PIK3C2G: variants seen among roughly 807,000 people sequenced by gnomAD.
The protein encoded by PIK3C2G is phosphatidylinositol-4-phosphate 3-kinase catalytic subunit type 2 gamma.
PIK3C2G carries 168 observed loss-of-function variants against 181.1 expected under a neutral mutation model. The ratio of observed to expected loss-of-function variants is 0.93; its 90% CI spans 0.82 to 1.05. PIK3C2G has a LOEUF of 1.05. Among genes scored for constraint, PIK3C2G ranks in the 50% least tolerant of loss-of-function variants. PIK3C2G has a pLI of 0.00. For synonymous variants in PIK3C2G, 573 were observed against 592.2 expected (o/e 0.97, Z 0.47); for missense variants, 1,869 against 1,732.8 (o/e 1.08, Z -1.40).
chr12:18,395,023 CTTTCTTTCTTTG>C (rs1288933790), intron 15 of PIK3C2G, among the ~76,000 whole-genome samples: 38 of 114,970 alleles, frequency 3.3e-4, no homozygotes, highest in African/African-American at 1.2e-3. Flanking sequence ...CTTTTTCTTT[CTTTCTTTCTTTG>C]TTTCTTTCAT....
the PIK3C2G span, among the ~76,000 whole-genome samples, chr12:18,668,309 T>C: frequency 1.3e-5 from 2 of 152,332 alleles, no homozygotes; most frequent in South Asian, 4.1e-4. Context: ...TAATAATTCT[T>C]TGGAAAGTCA....
chr12:18,266,790 C>T (rs1948519055), intron 1 of PIK3C2G, among the ~76,000 whole-genome samples: 1 of 151,944 alleles, frequency 6.6e-6, no homozygotes. Flanking sequence ...TCTTCTCCTC[C>T]TTTTTCTTCC....
intron 28 of PIK3C2G, among the ~76,000 whole-genome samples, chr12:18,566,565 C>T (rs1010296774): frequency 3.3e-5 from 5 of 152,172 alleles, no homozygotes; most frequent in Admixed American, 3.3e-4. Flanking sequence ...AATGGTGTCT[C>T]TAGTGAACCC....
At chr12:18,544,631 T>C (rs1239456951) in intron 25 of PIK3C2G, among the ~76,000 whole-genome samples, 1 of 151,750 alleles carries the variant, frequency 6.6e-6, no homozygotes, top group Non-Finnish European at 1.5e-5. Context: ...TTCTTGTTAG[T>C]TGGGCAGTGG....
intron 25 of PIK3C2G, among the ~76,000 whole-genome samples, chr12:18,540,880 T>G (rs1944115369): frequency 6.6e-6 from 1 of 151,894 alleles, no homozygotes; most frequent in Non-Finnish European, 1.5e-5. Context: ...TACCTCAGTT[T>G]CTGTTCATTT....
intron 11 of PIK3C2G, among the ~76,000 whole-genome samples, chr12:18,348,021 C>T (rs1340468603): frequency 2.0e-5 from 3 of 151,116 alleles, no homozygotes; most frequent in Admixed American, 6.6e-5. Context: ...TTTAAAGGGC[C>T]GATGTATAGT....
intron 18 of PIK3C2G, among the ~76,000 whole-genome samples, chr12:18,459,373 T>C (rs555833683): frequency 1.3e-5 from 2 of 152,284 alleles, no homozygotes; most frequent in Non-Finnish European, 2.9e-5. Context: ...CTAACCTACA[T>C]GAAAAACCAG....
intron 31 of PIK3C2G, among the ~76,000 whole-genome samples, chr12:18,623,538 T>G (rs1467077503): frequency 1.3e-5 from 2 of 151,804 alleles, no homozygotes; most frequent in Non-Finnish European, 3.0e-5. Flanking sequence ...TGGTTCCACG[T>G]GAATTTTAGG....
chr12:18,693,801 T>C, the PIK3C2G span: 1 of 1,518,236 alleles, frequency 6.6e-7, no homozygotes, highest in Non-Finnish European at 9.1e-7. Flanking sequence ...CCAGCGCTTA[T>C]CAGACCAGGC....
chr12:18,688,005 T>C, the PIK3C2G span: 1 of 1,551,848 alleles, frequency 6.4e-7, no homozygotes, highest in Non-Finnish European at 8.8e-7. Flanking sequence ...AATAAATATG[T>C]ACAAAAACTC....
At chr12:18,547,662 A>AACAAAACAAAACAAT in intron 26 of PIK3C2G, among the ~76,000 whole-genome samples, 1 of 151,790 alleles carries the variant, frequency 6.6e-6, no homozygotes, top group African/African-American at 2.4e-5. Flanking sequence ...AACAAAACAA[A>AACAAAACAAAACAAT]ACAAAAAAAA....
chr12:18,701,695 G>A, the PIK3C2G span: 45 of 1,606,928 alleles, frequency 2.8e-5, 2 homozygotes, highest in South Asian at 4.0e-4. Flanking sequence ...ACCTTACCAC[G>A]CTTATCAGAA....
At chr12:18,328,248 A>G (rs1461484246) in intron 8 of PIK3C2G, among the ~76,000 whole-genome samples, 1 of 151,980 alleles carries the variant, frequency 6.6e-6, no homozygotes, top group African/African-American at 2.4e-5. Context: ...CCCATGACTC[A>G]GAGGCTATAC....
intron 29 of PIK3C2G, 29 bp from the exon 30 acceptor site, chr12:18,594,465 G>T (rs1402836785): frequency 2.9e-6 from 4 of 1,384,134 alleles, no homozygotes; most frequent in South Asian, 1.4e-5. Context: ...AAGAAATAAA[G>T]AAATATTATG....
intron 12 of PIK3C2G, among the ~76,000 whole-genome samples, chr12:18,369,070 G>C (rs951185456): frequency 6.6e-6 from 1 of 152,168 alleles, no homozygotes; most frequent in African/African-American, 2.4e-5. Flanking sequence ...ATCACCTACT[G>C]CTCTAATAAT....
chr12:18,383,989 T>TATTA (rs113986385), intron 14 of PIK3C2G, among the ~76,000 whole-genome samples: 1 of 129,238 alleles, frequency 7.7e-6, no homozygotes, highest in African/African-American at 3.2e-5. Flanking sequence ...TTATTATTAT[T>TATTA]TTTTTTTTTT....
chr12:18,646,650 G>A (rs139325784), intron 32 of PIK3C2G, among the ~76,000 whole-genome samples: 1 of 152,136 alleles, frequency 6.6e-6, no homozygotes, highest in Non-Finnish European at 1.5e-5. Flanking sequence ...GGCATATATT[G>A]AGAAAGTTTC....
At chr12:18,281,895 A>T (rs1285335284) in intron 1 of PIK3C2G, 109 bp from the exon 2 acceptor site, 2 of 519,420 alleles carry the variant, frequency 3.9e-6, no homozygotes, top group East Asian at 3.1e-5. Flanking sequence ...TTCACTTGCT[A>T]AAAAAAAGCC....
At chr12:18,569,045 T>C (rs184648813) in intron 29 of PIK3C2G, among the ~76,000 whole-genome samples, 8 of 152,254 alleles carry the variant, frequency 5.3e-5, no homozygotes, top group Admixed American at 4.6e-4. Flanking sequence ...AGGAGGCAGC[T>C]TGTGTCCCAA....
Sources: gnomAD v4.1 joint callset for allele counts (sites outside exome capture counted in the v4.1 genomes callset) on GRCh38, gnomAD v4.1.1 for gene constraint, MANE v1.5 for transcripts, NCBI Gene and HGNC (gene_info 2026-07-23, HGNC 2026-07-21) for gene names.